SLC16A10: variants seen among roughly 807,000 people sequenced by gnomAD.
SLC16A10 encodes the protein monocarboxylate transporter 10.
A neutral mutation model predicts 40.0 loss-of-function variants in SLC16A10; 27 were observed. That is an observed-to-expected ratio of 0.67 (90% CI 0.50 to 0.93). The LOEUF (loss-of-function observed/expected upper bound fraction) is 0.93, where lower values mean the gene tolerates loss of function less well. Among genes scored for constraint, SLC16A10 ranks in the 40% least tolerant of loss-of-function variants. The pLI is 0.00. For missense variants in SLC16A10, 529 were observed against 658.2 expected, an observed-to-expected ratio of 0.80 and a Z score of 2.15; for synonymous variants, 213 against 249.8, an observed-to-expected ratio of 0.85 and a Z score of 1.39.
Position 111,088,010 on chromosome 6 carries a change from C to T in SLC16A10, c.258C>T (p.Gly86=), listed in dbSNP as rs776266816. 6.2e-7 allele frequency: 1 copy of T among 1,610,260 alleles called. No individual in the cohort carries two copies. Among genetic ancestry groups the T allele is most frequent in the Non-Finnish European group, 8.5e-7 (1 of 1,178,328 alleles). The stretch of plus-strand genomic sequence containing the variant: ...TGTGGTGCAACGGGTCGGTGTTCGG[C>T]ATCCAGAACGCTTGCGGGGTGCTCT... ...AAMWCNGSVF[G]IQNACGVLFV... Residue 86 remains glycine, a synonymous_variant, in exon 1 of 6, where the codon GGC becomes GGT. Coordinates refer to ENST00000368851, the MANE Select transcript of SLC16A10 (RefSeq NM_018593.5).
chr6:111,140,887 G>A (rs1255971684), intron 1 of SLC16A10, among the ~76,000 whole-genome samples: 1 of 152,166 alleles, frequency 6.6e-6, no homozygotes, highest in East Asian at 1.9e-4. Context: ...CCGGGCTCCA[G>A]TGATCCTCCC....
At chr6:111,216,695 G>A (rs1045021774) in intron 4 of SLC16A10, among the ~76,000 whole-genome samples, 6 of 151,836 alleles carry the variant, frequency 4.0e-5, no homozygotes, top group Non-Finnish European at 5.9e-5. Flanking sequence ...GATTACAGGC[G>A]TGAGCCACCG....
At position 111,222,348 on chromosome 6, in the gene SLC16A10, C is replaced by A; in HGVS notation, c.*113C>A. The A allele has an allele frequency of 7.5e-7, 1 of 1,340,988 alleles. No individual in the cohort carries two copies. The highest frequency in any genetic ancestry group is 9.8e-7 in the Non-Finnish European group (1 of 1,020,712). The allele number at this position is 1,340,988 out of a possible 1,614,324, so 83.1% of individuals were successfully genotyped here. A position where few individuals can be genotyped will look rare whatever the true frequency, so the allele number is the denominator to read the frequency against. ...TTTTTTAATCACATCCTAGGAATAG[C>A]ACAATAATTGGGAAATAGAACCCTT... On this transcript the variant is annotated 3_prime_UTR_variant, in exon 6 of 6. Transcript: ENST00000368851.
At chr6:111,150,578 C>G (rs1772155901) in intron 1 of SLC16A10, among the ~76,000 whole-genome samples, 1 of 152,140 alleles carries the variant, frequency 6.6e-6, no homozygotes, top group African/African-American at 2.4e-5. Context: ...GGCTATAAAC[C>G]TCTCCTATAG....
intron 1 of SLC16A10, 73 bp downstream of exon 1, chr6:111,088,168 C>T: frequency 6.9e-7 from 1 of 1,449,968 alleles, no homozygotes; most frequent in Non-Finnish European, 9.5e-7. Flanking sequence ...CGCGTGTGGG[C>T]TGTGTCTGCC....
chr6:111,133,339 A>G (rs1294600926), intron 1 of SLC16A10, among the ~76,000 whole-genome samples: 2 of 152,170 alleles, frequency 1.3e-5, no homozygotes, highest in African/African-American at 2.4e-5. Flanking sequence ...GAAAATGACT[A>G]GGGGTGCTGG....
At chr6:111,113,493 C>A (rs1771428261) in intron 1 of SLC16A10, among the ~76,000 whole-genome samples, 1 of 152,080 alleles carries the variant, frequency 6.6e-6, no homozygotes, top group Non-Finnish European at 1.5e-5. Flanking sequence ...GTTTGTTTTG[C>A]CACTTTTAAC....
Position 111,177,429 on chromosome 6 carries a change from G to T in SLC16A10, c.706G>T (p.Val236Leu). The T allele has an allele frequency of 1.9e-6, 3 of 1,614,044 alleles. No individual in the cohort carries two copies. The highest frequency in any genetic ancestry group is 2.5e-6 in the Non-Finnish European group (3 of 1,179,994). ...DSVGLFYTLR[V>L]LCIFMFVLFL... ...CGTGGGCCTCTTTTACACATTGAGG[G>T]TGCTCTGCATCTTCATGTTTGTTCT... The change falls in exon 3 of 6, where the codon GTG becomes TTG. Residue 236 changes from valine (V) to leucine (L), a missense_variant. By Grantham distance (32) the Val-to-Leu change is conservative (BLOSUM62 1). Coordinates refer to ENST00000368851, the MANE Select transcript of SLC16A10 (RefSeq NM_018593.5).
At chr6:111,202,407 G>C (rs1383600412) in intron 3 of SLC16A10, among the ~76,000 whole-genome samples, 1 of 152,162 alleles carries the variant, frequency 6.6e-6, no homozygotes, top group African/African-American at 2.4e-5. Flanking sequence ...AAGCCCAGGA[G>C]GTCGAGGCTG....
intron 4 of SLC16A10, 27 bp downstream of exon 4, chr6:111,206,762 A>G (rs1773261739): frequency 1.9e-6 from 3 of 1,603,686 alleles, no homozygotes; most frequent in Middle Eastern, 1.7e-4. Flanking sequence ...TTTTTCCCCT[A>G]TCAAAAATTA....
chr6:111,182,310 C>CTTTTTTTTTTT (rs372963281), intron 3 of SLC16A10, among the ~76,000 whole-genome samples: 21 of 103,624 alleles, frequency 2.0e-4, no homozygotes, highest in Admixed American at 3.6e-4. Flanking sequence ...CTCTGGGTTT[C>CTTTTTTTTTTT]TTTTTTTTTT....
chr6:111,092,090 C>T (rs543045137), intron 1 of SLC16A10, among the ~76,000 whole-genome samples: 82 of 152,186 alleles, frequency 5.4e-4, no homozygotes, highest in African/African-American at 1.8e-3. Flanking sequence ...AGGCATTTGA[C>T]GCCTCTTTCT....
At chr6:111,115,248 C>G (rs1423921579) in intron 1 of SLC16A10, among the ~76,000 whole-genome samples, 1 of 150,784 alleles carries the variant, frequency 6.6e-6, no homozygotes, top group Non-Finnish European at 1.5e-5. Context: ...GATGAAGTCT[C>G]CGCCCAGGCT....
At chr6:111,216,211 T>A (rs1031056773) in intron 4 of SLC16A10, among the ~76,000 whole-genome samples, 6 of 152,220 alleles carry the variant, frequency 3.9e-5, no homozygotes, top group African/African-American at 1.4e-4. Flanking sequence ...CCCAGTTCTT[T>A]CCAACCTGCC....
chr6:111,100,988 CTCTCTATATATA>C lies in SLC16A10; in HGVS notation c.343+12895_343+12906del, dbSNP rs1430471943. 1.9e-3 allele frequency among the ~76,000 whole-genome samples: 151 copies of C among 77,640 alleles called. 1 individual carries two copies. The highest frequency in any genetic ancestry group is 4.1e-3 in the African/African-American group (72 of 17,636). The allele number at this position is 77,640 out of a possible 152,430, so 50.9% of individuals were successfully genotyped here. On this transcript the variant is annotated intron_variant, in intron 1 of 5. Transcript: ENST00000368851. ...TCTCTCTCTCTCTCTCTCTCTCTCT[CTCTCTATATATA>C]TATATATATATATATATAAATATAT... is the stretch of plus-strand genomic sequence containing the variant.
chr6:111,140,890 A>T (rs768236960), intron 1 of SLC16A10, among the ~76,000 whole-genome samples: 2 of 152,100 alleles, frequency 1.3e-5, no homozygotes. Context: ...GGCTCCAGTG[A>T]TCCTCCCGCC....
chr6:111,215,401 G>A (rs1773403903), intron 4 of SLC16A10, among the ~76,000 whole-genome samples: 1 of 118,026 alleles, frequency 8.5e-6, no homozygotes, highest in African/African-American at 3.3e-5. Flanking sequence ...TTGTTGGCAA[G>A]TGGTACTGGT....
chr6:111,118,125 A>G (rs921188394), intron 1 of SLC16A10, among the ~76,000 whole-genome samples: 35 of 152,268 alleles, frequency 2.3e-4, no homozygotes, highest in African/African-American at 8.2e-4. Flanking sequence ...AATGCACAAC[A>G]TAATTTAAGA....
chr6:111,088,232 C>G, intron 1 of SLC16A10, 137 bp downstream of exon 1: 3 of 831,632 alleles, frequency 3.6e-6, no homozygotes, highest in Non-Finnish European at 5.4e-6. Context: ...GCAGGGGGGT[C>G]TTTCGAGTTG....
Sources: gnomAD v4.1 joint callset for allele counts (sites outside exome capture counted in the v4.1 genomes callset) on GRCh38, gnomAD v4.1.1 for gene constraint, MANE v1.5 for transcripts, NCBI Gene and HGNC (gene_info 2026-07-23, HGNC 2026-07-21) for gene names.